Variants in PLK2 observed in about 807,000 individuals in gnomAD.
The protein encoded by PLK2 is serine/threonine-protein kinase PLK2.
PLK2 carries 25 observed loss-of-function variants against 78.1 expected under a neutral mutation model. That is an observed-to-expected ratio of 0.32 (90% CI 0.23 to 0.45). PLK2 has a LOEUF of 0.45. Ranked by LOEUF, PLK2 falls within the 20% of genes least tolerant of loss-of-function variation. The probability of loss-of-function intolerance (pLI) is 1.00; values close to 1 mark genes in which losing one functional copy is unlikely to be tolerated. For missense variants in PLK2, 566 were observed against 840.2 expected (o/e 0.67, Z 4.04); for synonymous variants, 332 against 298.2 (o/e 1.11, Z -1.17).
Position 58,454,712 on chromosome 5 carries a change from G to A in PLK2, c.1929C>T (p.Leu643=), listed in dbSNP as rs757236997. 5.0e-6 allele frequency: 8 copies of A among 1,612,796 alleles called. No individual in the cohort carries two copies. Among genetic ancestry groups the A allele is most frequent in the Non-Finnish European group, 5.9e-6 (7 of 1,178,864 alleles). ...IICSQNEEYL[L]TYINEDRIST... ...ATATCCTATCCTCATTGATGTAGGT[G>A]AGAAGGTATTCTTCATTTTGGCTAC... Residue 643 remains leucine (L), a synonymous_variant, in exon 14 of 14, where the codon CTC becomes CTT. Coordinates refer to ENST00000274289, the MANE Select transcript of PLK2 (RefSeq NM_006622.4).
At chr5:58,456,626 A>T (rs1373514967) in intron 8 of PLK2, 37 bp from the exon 9 acceptor site, 10 of 1,273,664 alleles carry the variant, frequency 7.9e-6, no homozygotes, top group African/African-American at 1.5e-5. Flanking sequence ...ACATTAGTCT[A>T]TCTTAACAAG....
rs1206805293 is a variant in PLK2, at chr5:58,460,006, G to A, written c.-47C>T. On this transcript the variant is annotated 5_prime_UTR_variant, in exon 1 of 14. Coordinates refer to ENST00000274289, the MANE Select transcript of PLK2 (RefSeq NM_006622.4). ...TGCCCGCTGCCACCCCCTAGGCGCGGTCACACGTCCGAGCCGGCCGTGGTC... is the reference window on the plus strand; with the variant it reads ...TGCCCGCTGCCACCCCCTAGGCGCGATCACACGTCCGAGCCGGCCGTGGTC... 5 of 1,537,104 alleles carry A rather than the reference G, an allele frequency of 3.3e-6. No homozygotes were observed. The highest frequency in any genetic ancestry group is 3.5e-6 in the Non-Finnish European group (4 of 1,143,134).
chr5:58,457,387 C>T lies in PLK2; in HGVS notation c.810-8G>A. 1 of 1,601,228 alleles carries T rather than the reference C, an allele frequency of 6.2e-7. No homozygotes were observed. The highest frequency in any genetic ancestry group is 8.6e-7 in the Non-Finnish European group (1 of 1,168,286). On this transcript the variant is annotated splice_region_variant and splice_polypyrimidine_tract_variant and intron_variant, in intron 6 of 13. Transcript: ENST00000274289. Reference sequence around the variant, plus strand: ...CCTAGTAACATTGTATACCTGTGTGCAAAGAAACACATCTTTAGCAATGGT... The same window carrying T: ...CCTAGTAACATTGTATACCTGTGTGTAAAGAAACACATCTTTAGCAATGGT...
At chr5:58,456,382 T>A (rs1743602570) in intron 9 of PLK2, 110 bp downstream of exon 9, 1 of 853,466 alleles carries the variant, frequency 1.2e-6, no homozygotes, top group Non-Finnish European at 1.9e-6. Flanking sequence ...AGAAAAACTT[T>A]AAGTAAATAT....
chr5:58,456,748 A>G lies in PLK2; in HGVS notation c.1157-159T>C. The G allele has an allele frequency of 1.1e-5, 7 of 631,160 alleles. No individual in the cohort carries two copies. In the South Asian group the frequency reaches 1.5e-4, roughly 14 times the overall value. The allele number at this position is 631,160 out of a possible 1,614,324, so 39.1% of individuals were successfully genotyped here. On this transcript the variant is annotated intron_variant, in intron 8 of 13. Coordinates refer to ENST00000274289, the MANE Select transcript of PLK2 (RefSeq NM_006622.4). ...GCCTTTAGCTGCAGCTACCCCCAAA[A>G]GCCCTCTTTAGTGTTTGCAAAATAA... is the stretch of plus-strand genomic sequence containing the variant.
In PLK2 at chr5:58,454,944, G is replaced by C; in HGVS notation, c.1833C>G (p.Ala611=). Residue 611 remains alanine (A), a synonymous_variant, in exon 13 of 14, where the codon GCC becomes GCG. Transcript: ENST00000274289. ...TGCCATCATTAAAGAGCATCATTAG[G>C]GCCTTATCAGATTTTAGCCACTGAA... ...YLLQWLKSDK[A]LMMLFNDGTF... 1 of 1,612,154 alleles carries C rather than the reference G, an allele frequency of 6.2e-7. No individual in the cohort carries two copies. Among genetic ancestry groups the C allele is most frequent in the Non-Finnish European group, 8.5e-7 (1 of 1,178,270 alleles).
At chr5:58,459,274 G>C in intron 1 of PLK2, 182 bp from the exon 2 acceptor site, 3 of 598,330 alleles carry the variant, frequency 5.0e-6, no homozygotes, top group Non-Finnish European at 8.8e-6. Flanking sequence ...GAAATGCATT[G>C]CTGGAAACAG....
intron 4 of PLK2, 62 bp from the exon 5 acceptor site, chr5:58,458,233 C>T (rs1440459396): frequency 7.4e-7 from 1 of 1,347,594 alleles, no homozygotes; most frequent in Non-Finnish European, 1.1e-6. Context: ...CAAGTACACA[C>T]ACATCCACTT....
At position 58,456,103 on chromosome 5, in the gene PLK2, T is replaced by C; in HGVS notation, c.1307A>G (p.Glu436Gly). The C allele has an allele frequency of 6.2e-7, 1 of 1,614,086 alleles. No homozygotes were observed. The highest frequency in any genetic ancestry group is 8.5e-7 in the Non-Finnish European group (1 of 1,179,962). Residue 436 changes from glutamate (E) to glycine (G), a missense_variant, in exon 10 of 14, where the codon GAA becomes GGA. Glu to Gly is a moderately conservative substitution (Grantham distance 98). Around this residue, in one of 5 missense-constraint regions of PLK2, gnomAD observed 129 missense variants for 156.0 expected, o/e 0.83. Transcript: ENST00000274289. ...AGCATCCCCAATCTGCTGCTTGTTTTCTACTGCGGGTGTTCCAGACCTGGC... is the reference window on the plus strand; with the variant it reads ...AGCATCCCCAATCTGCTGCTTGTTTCCTACTGCGGGTGTTCCAGACCTGGC... ...TVARSGTPAV[E>G]NKQQIGDAIR...
Position 58,454,467 on chromosome 5 carries a change from G to A in PLK2, c.*116C>T. 2.7e-6 allele frequency: 2 copies of A among 747,444 alleles called. No individual in the cohort carries two copies. Among genetic ancestry groups the A allele is most frequent in the Non-Finnish European group, 4.5e-6 (2 of 449,020 alleles). The allele number at this position is 747,444 out of a possible 1,614,324, so 46.3% of individuals were successfully genotyped here. On this transcript the variant is annotated 3_prime_UTR_variant, in exon 14 of 14. Transcript: ENST00000274289. ...CAGTCCAGCAGGCCACAGGGGAATT[G>A]TTTTCGTACCACCACATGTCCATCT...
chr5:58,455,889 A>C lies in PLK2; in HGVS notation c.1385-110T>G, dbSNP rs554391444. 66 of 1,487,052 alleles carry C rather than the reference A, an allele frequency of 4.4e-5. No individual in the cohort carries two copies. The South Asian group carries it at 6.9e-4, about 16-fold the overall frequency. The allele number at this position is 1,487,052 out of a possible 1,614,324, so 92.1% of individuals were successfully genotyped here. A position where few individuals can be genotyped will look rare whatever the true frequency, so the allele number is the denominator to read the frequency against. On this transcript the variant is annotated intron_variant, in intron 10 of 13. Transcript: ENST00000274289. ...CATTAATTCGAAAGACATAGAACTC[A>C]AGATTATTTTCCAATTCCTGTAATC...
chr5:58,457,441 A>C lies in PLK2; in HGVS notation c.809+47T>G, dbSNP rs904713334. On this transcript the variant is annotated intron_variant, in intron 6 of 13. Coordinates refer to ENST00000274289, the MANE Select transcript of PLK2 (RefSeq NM_006622.4). ...AAAGCAACTCTTTTCAAGTGTTAAA[A>C]TCTAAATCCGAATTTGCTTTTTAAT... is the stretch of plus-strand genomic sequence containing the variant. 1.9e-6 allele frequency: 3 copies of C among 1,582,344 alleles called. No individual in the cohort carries two copies. In the African/African-American group the frequency reaches 4.0e-5, roughly 21 times the overall value.
At chr5:58,456,328 A>G (rs1743601595) in intron 9 of PLK2, 164 bp downstream of exon 9, 2 of 769,960 alleles carry the variant, frequency 2.6e-6, no homozygotes, top group Admixed American at 2.9e-5. Context: ...CTGTAAAACT[A>G]AAAGACTTCC....
chr5:58,455,179 C>T lies in PLK2; in HGVS notation c.1755+106G>A, dbSNP rs1163088967. On this transcript the variant is annotated intron_variant, in intron 12 of 13. Coordinates refer to ENST00000274289, the MANE Select transcript of PLK2 (RefSeq NM_006622.4). ...CGGAGATTCTGATTCAGTACACCAA[C>T]GGTAGGTCAGGAGAATCTGTTTCTA... is the stretch of plus-strand genomic sequence containing the variant. The T allele has an allele frequency of 7.3e-5, 99 of 1,351,984 alleles. 1 individual carries two copies. The highest frequency in any genetic ancestry group is 3.9e-4 in the South Asian group (31 of 78,488). 83.7% of individuals were successfully genotyped at this position (1,351,984 alleles called of 1,614,324 possible).
chr5:58,457,130 G>A (rs1743627672), intron 7 of PLK2, 38 bp from the exon 8 acceptor site: 1 of 1,611,322 alleles, frequency 6.2e-7, no homozygotes, highest in Non-Finnish European at 8.5e-7. Context: ...TAACCTGTCA[G>A]GTAACTGGGA....
rs763428134 is a variant in PLK2 at position 58,456,479 on chromosome 5, T to C, written c.1254+13A>G. The C allele has an allele frequency of 6.5e-7, 1 of 1,534,612 alleles. No individual in the cohort carries two copies. The highest frequency in any genetic ancestry group is 1.7e-5 in the Admixed American group (1 of 57,642). ...TAAAGCGTGAGTATCTACTTTACTC[T>C]TTCCCAACACACCTCATCTGTCCTG... On this transcript the variant is annotated intron_variant, in intron 9 of 13. Transcript: ENST00000274289.
chr5:58,457,828 A>G (rs1013081694), intron 5 of PLK2: 18 of 589,494 alleles, frequency 3.1e-5, no homozygotes, highest in Middle Eastern at 8.9e-4. Flanking sequence ...TTGTTAACCA[A>G]CTAAAGCCAG....
At position 58,459,827 on chromosome 5, in the gene PLK2, G is replaced by C; in HGVS notation, c.133C>G (p.Pro45Ala). 1 of 1,610,326 alleles carries C rather than the reference G, an allele frequency of 6.2e-7. No individual in the cohort carries two copies. The stretch of plus-strand genomic sequence containing the variant: ...GGGGGCACTTGCGCCTGGGACTGAG[G>C]TGGCTGCGATTCCTCGGGGGGCTGC... The part of the protein sequence containing the change: ...PPQPPEESQP[P>A]QSQAQVPPAA... Residue 45 changes from proline to alanine, a missense_variant, in exon 1 of 14, where the codon CCT becomes GCT. Physicochemically the swap from Pro to Ala is conservative, Grantham distance 27. Coordinates refer to ENST00000274289, the MANE Select transcript of PLK2 (RefSeq NM_006622.4).
chr5:58,458,903 A>C, intron 2 of PLK2, 62 bp from the exon 3 acceptor site: 1 of 1,299,120 alleles, frequency 7.7e-7, no homozygotes, highest in Non-Finnish European at 1.1e-6. Flanking sequence ...GCCAGTGATT[A>C]CACATGCAGA....
Sources: allele counts gnomAD v4.1 joint callset, GRCh38; gene constraint gnomAD v4.1.1; regional missense constraint gnomAD v4.1.1; transcripts MANE v1.5; gene names NCBI Gene and HGNC (gene_info 2026-07-23, HGNC 2026-07-21).